The following SERPINB7 variants were observed in gnomAD, a reference collection of about 807,000 sequenced individuals.
SERPINB7 encodes the protein serpin B7.
In SERPINB7, 31 loss-of-function variants were observed where a neutral mutation model predicts 37.4. That is an observed-to-expected ratio of 0.83 (90% CI 0.62 to 1.12). SERPINB7 has a LOEUF of 1.12. Among genes scored for constraint, SERPINB7 ranks in the 50% most tolerant of loss-of-function variants. The pLI is 0.00. For missense variants in SERPINB7, 521 were observed against 455.3 expected (o/e 1.14, Z -1.31); for synonymous variants, 163 against 166.1 (o/e 0.98, Z 0.14).
chr18:63,789,068 A>T (rs1230237966), intron 2 of SERPINB7, among the ~76,000 whole-genome samples: 1 of 152,238 alleles, frequency 6.6e-6, no homozygotes, highest in East Asian at 1.9e-4. Flanking sequence ...TTTATAACTT[A>T]TATTTATATA....
intron 1 of SERPINB7, among the ~76,000 whole-genome samples, chr18:63,759,650 TC>T (rs1278474066): frequency 3.9e-5 from 6 of 152,166 alleles, no homozygotes; most frequent in African/African-American, 1.2e-4. Context: ...CAAATTCTCA[TC>T]TTGAATTGTA....
intron 4 of SERPINB7, 27 bp downstream of exon 4, chr18:63,793,304 G>A (rs758791002): frequency 8.5e-7 from 1 of 1,180,166 alleles, no homozygotes; most frequent in Non-Finnish European, 1.2e-6. Context: ...TTGTTAGAAG[G>A]ACCTGAATCT....
chr18:63,766,007 C>T (rs2049178829), intron 1 of SERPINB7, among the ~76,000 whole-genome samples: 1 of 152,132 alleles, frequency 6.6e-6, no homozygotes, highest in South Asian at 2.1e-4. Flanking sequence ...TTCAGTGTCT[C>T]TGTCCCCAAT....
upstream of SERPINB7, among the ~76,000 whole-genome samples, chr18:63,771,741 A>G (rs2049212474): frequency 6.6e-6 from 1 of 152,094 alleles, no homozygotes; most frequent in African/African-American, 2.4e-5. Flanking sequence ...TCTGTTTCTC[A>G]TAGACCCTTA....
intron 1 of SERPINB7, among the ~76,000 whole-genome samples, chr18:63,780,266 C>A (rs1717157782): frequency 6.6e-6 from 1 of 152,282 alleles, no homozygotes; most frequent in South Asian, 2.1e-4. Context: ...ATCTAGCACA[C>A]AATTTCCTTC....
chr18:63,779,418 C>T (rs1478784397), intron 1 of SERPINB7, among the ~76,000 whole-genome samples: 1 of 151,972 alleles, frequency 6.6e-6, no homozygotes, highest in African/African-American at 2.4e-5. Context: ...ACTTTTATTC[C>T]TGGAACTTAA....
intron 6 of SERPINB7, among the ~76,000 whole-genome samples, chr18:63,799,061 T>TATTTTTC (rs1000674473): frequency 2.0e-5 from 3 of 152,214 alleles, no homozygotes; most frequent in Admixed American, 2.0e-4. Flanking sequence ...GACAAAAGTG[T>TATTTTTC]ATTTTTCATT....
At chr18:63,798,476 A>G (rs1164199040) in intron 5 of SERPINB7, 128 bp from the exon 6 acceptor site, 1 of 681,230 alleles carries the variant, frequency 1.5e-6, no homozygotes, top group East Asian at 2.8e-5. Flanking sequence ...CTCATAGGTT[A>G]TTCTTAATAT....
At chr18:63,794,244 G>A (rs185638971) in intron 4 of SERPINB7, among the ~76,000 whole-genome samples, 7 of 150,932 alleles carry the variant, frequency 4.6e-5, no homozygotes, top group African/African-American at 1.2e-4. Flanking sequence ...TTACAGGCAT[G>A]AGCCACTACA....
rs35355093 is a variant in SERPINB7 at position 63,776,382 on chromosome 18, TA to T, written c.-19+672del. 3.9e-5 allele frequency among the ~76,000 whole-genome samples: 6 copies of T among 152,034 alleles called. No homozygotes were observed. The East Asian group carries it at 1.2e-3, about 29-fold the overall frequency. On this transcript the variant is annotated intron_variant, in intron 1 of 7. Coordinates refer to ENST00000398019, the MANE Select transcript of SERPINB7 (RefSeq NM_003784.4). The stretch of plus-strand genomic sequence containing the variant: ...TCTATCCACCCATGTAAGCATCCAT[TA>T]AAAAACAGTTTTGTCTGGTTTGATC...
intron 4 of SERPINB7, among the ~76,000 whole-genome samples, chr18:63,794,725 A>C (rs1180693085): frequency 1.3e-5 from 2 of 152,156 alleles, no homozygotes; most frequent in Non-Finnish European, 2.9e-5. Context: ...AAAACAAAAA[A>C]AAAATACTCT....
At chr18:63,754,052 T>G (rs2049106824) in intron 1 of SERPINB7, among the ~76,000 whole-genome samples, 1 of 152,214 alleles carries the variant, frequency 6.6e-6, no homozygotes, top group Admixed American at 6.5e-5. Context: ...CAGAACATCT[T>G]GTATTTAATC....
intron 1 of SERPINB7, among the ~76,000 whole-genome samples, chr18:63,763,487 T>C (rs1490588581): frequency 2.6e-5 from 4 of 152,190 alleles, no homozygotes; most frequent in Non-Finnish European, 4.4e-5. Flanking sequence ...TATGAGACAA[T>C]CTAAAAATAG....
chr18:63,763,421 G>A (rs1033649171), intron 1 of SERPINB7, among the ~76,000 whole-genome samples: 2 of 152,074 alleles, frequency 1.3e-5, no homozygotes, highest in African/African-American at 4.8e-5. Context: ...TTTTATGTTG[G>A]AGCTGGTCTA....
At chr18:63,783,188 G>GAA (rs1555694138) in intron 2 of SERPINB7, among the ~76,000 whole-genome samples, 617 of 59,372 alleles carry the variant, frequency 0.01, 8 homozygotes, top group African/African-American at 0.03. Context: ...AAGAAAGAAA[G>GAA]AGAGAGAGAG....
intron 1 of SERPINB7, among the ~76,000 whole-genome samples, chr18:63,766,283 C>G (rs1238826750): frequency 6.6e-6 from 1 of 152,134 alleles, no homozygotes. Flanking sequence ...TTTCTTTCAA[C>G]TAAACAAAAT....
chr18:63,780,985 C>T (rs183001708), intron 1 of SERPINB7, among the ~76,000 whole-genome samples: 9 of 152,266 alleles, frequency 5.9e-5, no homozygotes, highest in Admixed American at 5.2e-4. Flanking sequence ...CTGGATCATG[C>T]ATTGTACTAG....
intron 7 of SERPINB7, among the ~76,000 whole-genome samples, chr18:63,801,528 A>C (rs2049549218): frequency 6.6e-6 from 1 of 152,200 alleles, no homozygotes; most frequent in Non-Finnish European, 1.5e-5. Context: ...AAGGCCGACC[A>C]TGCCACATGG....
intron 7 of SERPINB7, 80 bp downstream of exon 7, chr18:63,801,092 T>A: frequency 7.1e-7 from 1 of 1,412,378 alleles, no homozygotes; most frequent in Non-Finnish European, 9.8e-7. Context: ...TGATAAACTG[T>A]AAGATTTCAG....
Sources: allele counts gnomAD v4.1 joint callset (sites outside exome capture counted in the v4.1 genomes callset), GRCh38; gene constraint gnomAD v4.1.1; transcripts MANE v1.5; gene names NCBI Gene and HGNC (gene_info 2026-07-23, HGNC 2026-07-21).